TJP1: variants seen among roughly 807,000 people sequenced by gnomAD.
TJP1 encodes the protein tight junction protein ZO-1.
A neutral mutation model predicts 194.2 loss-of-function variants in TJP1; 43 were observed. That is an observed-to-expected ratio of 0.22 (90% CI 0.17 to 0.29). The LOEUF (loss-of-function observed/expected upper bound fraction) is 0.29. Among genes scored for constraint, TJP1 ranks in the 10% least tolerant of loss-of-function variants. The pLI is 1.00. For synonymous variants in TJP1, 801 were observed against 779.0 expected (o/e 1.03, Z -0.47); for missense variants, 1,971 against 2,185.7 (o/e 0.90, Z 1.96).
At chr15:29,825,683 A>C (rs2050654387), upstream of TJP1, among the ~76,000 whole-genome samples, 1 of 152,226 alleles carries the variant, frequency 6.6e-6, no homozygotes, top group African/African-American at 2.4e-5. Flanking sequence ...ACGCTTGACA[A>C]AGAGGAAGTA....
chr15:29,851,341 A>G (rs1389388608), intron 2 of TJP1, among the ~76,000 whole-genome samples: 2 of 152,146 alleles, frequency 1.3e-5, no homozygotes, highest in Non-Finnish European at 2.9e-5. Flanking sequence ...ACCAAATACT[A>G]TAGGCAATTT....
At position 29,822,154 on chromosome 15, in the gene TJP1, G is replaced by T; in HGVS notation, c.-126C>A. The T allele has an allele frequency of 8.4e-7, 1 of 1,187,200 alleles. No homozygotes were observed. The highest frequency in any genetic ancestry group is 1.0e-6 in the Non-Finnish European group (1 of 958,032). 73.5% of individuals were successfully genotyped at this position (1,187,200 alleles called of 1,614,324 possible). ...GAGCGAGCGGGGCACGGGCGGGGGCGGCCGGAAGGGCCCGGCCCAGGGGGA... is the reference window on the plus strand; with the variant it reads ...GAGCGAGCGGGGCACGGGCGGGGGCTGCCGGAAGGGCCCGGCCCAGGGGGA... On this transcript the variant is annotated 5_prime_UTR_variant, in exon 1 of 28. Transcript: ENST00000614355.
rs752547716 is a variant in TJP1, at chr15:29,718,311, T to G, written c.3831A>C (p.Ala1277=). ...RVKMFENKRS[A]SLETKKDVND... ...TTACATCCTTCTTGGTCTCTAAGGA[T>G]GCAGATCTTTTGTTTTCAAACATCT... The change falls in exon 21 of 28, where the codon GCA becomes GCC. Residue 1277 remains alanine (A), a synonymous_variant. Transcript: ENST00000614355. The G allele has an allele frequency of 6.2e-7, 1 of 1,614,106 alleles. No individual in the cohort carries two copies. Among genetic ancestry groups the G allele is most frequent in the Non-Finnish European group, 8.5e-7 (1 of 1,180,032 alleles).
intron 8 of TJP1, among the ~76,000 whole-genome samples, chr15:29,743,828 A>T (rs1261441347): frequency 6.6e-6 from 1 of 152,258 alleles, no homozygotes; most frequent in Non-Finnish European, 1.5e-5. Context: ...ACAAATACGT[A>T]ATAAATATGC....
chr15:29,949,469 A>ACCACCTCCACAACCACCACCT (rs1567225010), intron 2 of TJP1, among the ~76,000 whole-genome samples: 7 of 31,732 alleles, frequency 2.2e-4, no homozygotes, highest in South Asian at 9.1e-4. Flanking sequence ...TTCCACCACC[A>ACCACCTCCACAACCACCACCT]CCACCTCCAC....
intron 11 of TJP1, 105 bp from the exon 12 acceptor site, chr15:29,734,487 T>C: frequency 1.5e-6 from 1 of 688,984 alleles, no homozygotes; most frequent in Non-Finnish European, 2.2e-6. Flanking sequence ...AAATATCACA[T>C]CTTTTTTTTT....
Position 29,708,767 on chromosome 15 carries a change from A to G in TJP1, c.4642T>C (p.Phe1548Leu). Reference protein sequence around the residue: ...PFERKFESPKFNHNLLPSETA... With the variant: ...PFERKFESPKLNHNLLPSETA... ...TCACTTGGCAGAAGATTGTGATTGA[A>G]TTTAGGACTTTCAAACTTGCGTTCA... Residue 1548 changes from phenylalanine to leucine, a missense_variant, in exon 25 of 28, where the codon TTC becomes CTC. Coordinates refer to ENST00000614355, the MANE Select transcript of TJP1 (RefSeq NM_001330239.4). 1 of 1,614,232 alleles carries G rather than the reference A, an allele frequency of 6.2e-7. No homozygotes were observed. The highest frequency in any genetic ancestry group is 8.5e-7 in the Non-Finnish European group (1 of 1,180,042).
intron 6 of TJP1, 40 bp downstream of exon 6, chr15:29,762,295 T>C: frequency 2.6e-6 from 4 of 1,534,122 alleles, no homozygotes; most frequent in Non-Finnish European, 3.6e-6. Flanking sequence ...AGAACTTGTT[T>C]TCTATTTCAG....
At chr15:29,966,472 A>C (rs774079766) in intron 1 of TJP1, among the ~76,000 whole-genome samples, 2 of 152,192 alleles carry the variant, frequency 1.3e-5, no homozygotes, top group South Asian at 2.1e-4. Context: ...ATTGCACTCC[A>C]GCCTGGGCAA....
chr15:29,702,937 C>A (rs974320917), intron 27 of TJP1, among the ~76,000 whole-genome samples: 1 of 151,880 alleles, frequency 6.6e-6, no homozygotes, highest in Non-Finnish European at 1.5e-5. Context: ...GTGATCTACA[C>A]CCAAAATAAA....
chr15:29,779,809 C>A (rs1410018197), intron 2 of TJP1, among the ~76,000 whole-genome samples: 1 of 151,994 alleles, frequency 6.6e-6, no homozygotes, highest in African/African-American at 2.4e-5. Context: ...CATAACAAAC[C>A]AAGAATCCAA....
At chr15:29,779,395 C>A (rs564124395) in intron 2 of TJP1, among the ~76,000 whole-genome samples, 2 of 152,302 alleles carry the variant, frequency 1.3e-5, no homozygotes, top group South Asian at 4.1e-4. Flanking sequence ...CTTGGAGAAC[C>A]TTGGTACTCT....
chr15:29,722,930 T>C (rs1595630561), intron 18 of TJP1, among the ~76,000 whole-genome samples: 1 of 152,322 alleles, frequency 6.6e-6, no homozygotes, highest in East Asian at 1.9e-4. Context: ...TGGAATTTCA[T>C]GGGGATTGGA....
At chr15:29,788,516 T>C (rs2047853323) in intron 2 of TJP1, among the ~76,000 whole-genome samples, 1 of 152,194 alleles carries the variant, frequency 6.6e-6, no homozygotes, top group Admixed American at 6.5e-5. Flanking sequence ...AAATTCATTA[T>C]TTTGCATGTG....
chr15:29,757,666 C>T (rs745789832), intron 8 of TJP1, among the ~76,000 whole-genome samples: 11 of 152,140 alleles, frequency 7.2e-5, no homozygotes, highest in Non-Finnish European at 1.3e-4. Context: ...ATTAAATTCT[C>T]ACCACAAAAA....
chr15:29,899,081 A>C (rs2053562158), intron 2 of TJP1, among the ~76,000 whole-genome samples: 1 of 152,186 alleles, frequency 6.6e-6, no homozygotes, highest in Non-Finnish European at 1.5e-5. Context: ...GGATGATAAT[A>C]ATTATCCAAT....
At chr15:29,949,460 TCCA>T (rs1224307888) in intron 2 of TJP1, among the ~76,000 whole-genome samples, 80 of 30,378 alleles carry the variant, frequency 2.6e-3, no homozygotes, top group African/African-American at 8.6e-3. Flanking sequence ...CACCACCACT[TCCA>T]CCACCACCAC....
intron 2 of TJP1, among the ~76,000 whole-genome samples, chr15:29,906,825 C>A (rs1339662894): frequency 6.6e-6 from 1 of 151,844 alleles, no homozygotes; most frequent in Non-Finnish European, 1.5e-5. Flanking sequence ...AGTGATCTGC[C>A]CTTCTCAGTC....
chr15:29,740,183 G>GCCA (rs1031989830), intron 10 of TJP1, among the ~76,000 whole-genome samples: 1 of 151,894 alleles, frequency 6.6e-6, no homozygotes, highest in African/African-American at 2.4e-5. Flanking sequence ...CACCATGTTA[G>GCCA]CCAGGATGGT....
Sources: allele counts gnomAD v4.1 joint callset (sites outside exome capture counted in the v4.1 genomes callset), GRCh38; gene constraint gnomAD v4.1.1; transcripts MANE v1.5; gene names NCBI Gene and HGNC (gene_info 2026-07-23, HGNC 2026-07-21).